Variants in PTPRD observed in about 807,000 individuals in gnomAD.
PTPRD encodes the protein protein tyrosine phosphatase receptor type D, also known as receptor-type tyrosine-protein phosphatase delta.
In PTPRD, 34 loss-of-function variants were observed where a neutral mutation model predicts 214.5. That is an observed-to-expected ratio of 0.16 (90% confidence interval 0.12 to 0.21). The LOEUF (loss-of-function observed/expected upper bound fraction) is 0.21, where lower values mean the gene tolerates loss of function less well. Ranked by LOEUF, PTPRD falls within the 10% of genes least tolerant of loss-of-function variation. The probability of loss-of-function intolerance (pLI) is 1.00; values close to 1 mark genes in which losing one functional copy is unlikely to be tolerated. For missense variants in PTPRD, 2,545 were observed against 2,398.7 expected (o/e 1.06, Z -1.27); for synonymous variants, 1,128 against 845.7 (o/e 1.33, Z -5.79).
At chr9:9,118,296 T>G (rs2099814249) in intron 10 of PTPRD, among the ~76,000 whole-genome samples, 1 of 152,236 alleles carries the variant, frequency 6.6e-6, no homozygotes, top group Non-Finnish European at 1.5e-5. Flanking sequence ...GAATACATGG[T>G]AAGCTTGATC....
At chr9:8,677,769 T>C (rs990225153) in intron 12 of PTPRD, among the ~76,000 whole-genome samples, 2 of 152,186 alleles carry the variant, frequency 1.3e-5, no homozygotes, top group Non-Finnish European at 2.9e-5. Context: ...GATTTCCCCA[T>C]GACAATCTGT....
intron 4 of PTPRD, among the ~76,000 whole-genome samples, chr9:9,984,045 T>C (rs1469618230): frequency 3.3e-5 from 5 of 152,186 alleles, no homozygotes; most frequent in African/African-American, 1.2e-4. Context: ...TAGCAGTGAT[T>C]GGAAAAATGA....
intron 10 of PTPRD, among the ~76,000 whole-genome samples, chr9:9,088,581 GAAAAAA>G (rs533619970): frequency 1.4e-3 from 47 of 33,026 alleles, no homozygotes; most frequent in South Asian, 0.011. Context: ...CTTAGTCTCA[GAAAAAA>G]AAAAAAAAAA....
intron 7 of PTPRD, among the ~76,000 whole-genome samples, chr9:9,698,011 TCTGTTAAATTTCC>T (rs1333857054): frequency 6.6e-6 from 1 of 152,218 alleles, no homozygotes; most frequent in Non-Finnish European, 1.5e-5. Flanking sequence ...TAATTATTTC[TCTGTTAAATTTCC>T]CTGATAAATT....
At chr9:10,362,944 C>G (rs538107670) in intron 2 of PTPRD, among the ~76,000 whole-genome samples, 1 of 152,038 alleles carries the variant, frequency 6.6e-6, no homozygotes, top group South Asian at 2.1e-4. Flanking sequence ...CTTTAGAACC[C>G]AGAACAATGA....
intron 5 of PTPRD, among the ~76,000 whole-genome samples, chr9:9,910,115 A>G (rs1008463788): frequency 1.3e-5 from 2 of 151,948 alleles, no homozygotes; most frequent in Non-Finnish European, 1.5e-5. Context: ...CTCAGCTTTC[A>G]TATCTGTGAA....
At chr9:10,067,769 T>A (rs929325303) in intron 3 of PTPRD, among the ~76,000 whole-genome samples, 4 of 151,818 alleles carry the variant, frequency 2.6e-5, no homozygotes, top group Non-Finnish European at 5.9e-5. Flanking sequence ...CATATCCCTA[T>A]CTCCCACCCC....
At chr9:8,663,650 C>G (rs533059167) in intron 12 of PTPRD, among the ~76,000 whole-genome samples, 5 of 152,060 alleles carry the variant, frequency 3.3e-5, no homozygotes, top group Non-Finnish European at 5.9e-5. Flanking sequence ...TACCACCACA[C>G]CCGGCTAATT....
chr9:10,551,037 TA>T, intron 2 of PTPRD, among the ~76,000 whole-genome samples: 1 of 152,322 alleles, frequency 6.6e-6, no homozygotes, highest in Admixed American at 6.5e-5. Flanking sequence ...ACTCTGTCAT[TA>T]AAATTACATA....
At chr9:8,342,450 A>G (rs1302737458) in intron 39 of PTPRD, among the ~76,000 whole-genome samples, 1 of 152,110 alleles carries the variant, frequency 6.6e-6, no homozygotes, top group African/African-American at 2.4e-5. Context: ...TAAACCTCGC[A>G]TGCTTCCTAT....
intron 22 of PTPRD, among the ~76,000 whole-genome samples, chr9:8,505,255 T>C (rs2097518311): frequency 6.6e-6 from 1 of 152,184 alleles, no homozygotes; most frequent in African/African-American, 2.4e-5. Context: ...AGTGAATACA[T>C]AATCTAGTAA....
Position 8,500,558 on chromosome 9 carries a change from G to GAAAAAAAAAAAAAAA in PTPRD, c.2128+181_2128+195dup, listed in dbSNP as rs146807692. Among the ~76,000 whole-genome samples the GAAAAAAAAAAAAAAA allele has an allele frequency of 2.2e-3, 32 of 14,316 alleles. 6 individuals carry two copies. Among genetic ancestry groups the GAAAAAAAAAAAAAAA allele is most frequent in the Middle Eastern group, 0.1 (1 of 10 alleles). The allele number at this position is 14,316 out of a possible 152,430, so 9.4% of individuals were successfully genotyped here. A position where few individuals can be genotyped will look rare whatever the true frequency, so the allele number is the denominator to read the frequency against. On this transcript the variant is annotated intron_variant, in intron 24 of 45. Transcript: ENST00000381196. ...TTACTGCATTGAGATTGAAAAAAAT[G>GAAAAAAAAAAAAAAA]AAAAAAAAAAAAAAAAAAAAAAAAA...
chr9:10,553,053 G>T (rs2061689527), intron 2 of PTPRD, among the ~76,000 whole-genome samples: 1 of 152,120 alleles, frequency 6.6e-6, no homozygotes, highest in African/African-American at 2.4e-5. Flanking sequence ...GCCTCCAGTT[G>T]ACCATTCCCT....
At chr9:9,462,502 T>C (rs1486546949) in intron 8 of PTPRD, among the ~76,000 whole-genome samples, 1 of 152,140 alleles carries the variant, frequency 6.6e-6, no homozygotes, top group Non-Finnish European at 1.5e-5. Context: ...AGATTTAATA[T>C]ATACAGATAA....
chr9:10,310,026 G>C (rs186661964), intron 3 of PTPRD, among the ~76,000 whole-genome samples: 10 of 151,928 alleles, frequency 6.6e-5, no homozygotes, highest in Admixed American at 1.3e-4. Context: ...ATCCCCTGAG[G>C]TATCATACAA....
chr9:9,215,284 G>A lies in PTPRD; in HGVS notation c.-202-31921C>T, dbSNP rs376717940. ...AGTTTAACCCAGGTTATGCAATGGA[G>A]CAGTTACATACTTGTACTTGTTCAC... On this transcript the variant is annotated intron_variant, in intron 9 of 45. Transcript: ENST00000381196. Among the ~76,000 whole-genome samples, 3 of 152,198 alleles carry A rather than the reference G, an allele frequency of 2.0e-5. No homozygotes were observed. The East Asian group carries it at 5.8e-4, about 29-fold the overall frequency.
chr9:9,307,229 A>T (rs1241276660), intron 9 of PTPRD, among the ~76,000 whole-genome samples: 2 of 152,200 alleles, frequency 1.3e-5, no homozygotes, highest in Admixed American at 6.5e-5. Flanking sequence ...GGCTTCATTT[A>T]TCACTTGTAA....
intron 5 of PTPRD, among the ~76,000 whole-genome samples, chr9:9,935,578 G>GAT (rs1167517456): frequency 6.6e-6 from 1 of 151,708 alleles, no homozygotes; most frequent in Non-Finnish European, 1.5e-5. Flanking sequence ...AATAAAAGAG[G>GAT]ATACAAACAA....
intron 2 of PTPRD, among the ~76,000 whole-genome samples, chr9:10,483,127 T>C (rs1052669687): frequency 5.9e-5 from 9 of 152,050 alleles, no homozygotes; most frequent in South Asian, 2.1e-4. Context: ...AGAAATAAAC[T>C]CAAATACTTA....
Sources: allele counts gnomAD v4.1 joint callset (sites outside exome capture counted in the v4.1 genomes callset), GRCh38; gene constraint gnomAD v4.1.1; transcripts MANE v1.5; gene names NCBI Gene and HGNC (gene_info 2026-07-23, HGNC 2026-07-21).